The following POU2F1 variants were observed in gnomAD, a reference collection of about 807,000 sequenced individuals.
POU2F1 encodes POU domain, class 2, transcription factor 1.
A neutral mutation model predicts 84.9 loss-of-function variants in POU2F1; 16 were observed. That is an observed-to-expected ratio of 0.19 (90% confidence interval 0.13 to 0.29). The LOEUF (loss-of-function observed/expected upper bound fraction) is 0.29, where lower values mean the gene tolerates loss of function less well. Ranked by LOEUF, POU2F1 falls within the 10% of genes least tolerant of loss-of-function variation. The pLI, the probability that POU2F1 is intolerant of heterozygous loss-of-function variation, is 1.00. For missense variants in POU2F1, 738 were observed against 942.6 expected (o/e 0.78, Z 2.84); for synonymous variants, 368 against 368.3 (o/e 1.00, Z 0.01).
intron 13 of POU2F1, among the ~76,000 whole-genome samples, chr1:167,408,814 A>C (rs1420547201): frequency 1.3e-5 from 2 of 152,108 alleles, no homozygotes; most frequent in African/African-American, 4.8e-5. Flanking sequence ...AAGCTGGATG[A>C]ATTTTCATGT....
At chr1:167,396,170 T>TACTG in intron 9 of POU2F1, 116 bp from the exon 10 acceptor site, 1 of 1,213,382 alleles carries the variant, frequency 8.2e-7, no homozygotes, top group Non-Finnish European at 1.2e-6. Flanking sequence ...GTGGAATAAT[T>TACTG]ACTGACTCCT....
intron 1 of POU2F1, among the ~76,000 whole-genome samples, chr1:167,292,965 A>G (rs1654028502): frequency 6.6e-6 from 1 of 152,214 alleles, no homozygotes; most frequent in Admixed American, 6.5e-5. Context: ...TTCCTTTATG[A>G]TAAAAACCCT....
At chr1:167,374,919 T>C (rs1216113043) in intron 6 of POU2F1, among the ~76,000 whole-genome samples, 2 of 151,930 alleles carry the variant, frequency 1.3e-5, no homozygotes. Context: ...TACAAAAAAT[T>C]AGCCAGGTGT....
At chr1:167,241,979 G>A (rs568939249) in intron 1 of POU2F1, among the ~76,000 whole-genome samples, 1 of 152,172 alleles carries the variant, frequency 6.6e-6, no homozygotes, top group Non-Finnish European at 1.5e-5. Flanking sequence ...AGTTCTCAGA[G>A]CCTAAGTTTT....
intron 1 of POU2F1, among the ~76,000 whole-genome samples, chr1:167,225,864 T>G (rs563576081): frequency 6.6e-6 from 1 of 152,360 alleles, no homozygotes; most frequent in East Asian, 1.9e-4. Context: ...ATAGTTGTAA[T>G]CTTTGCATAT....
intron 7 of POU2F1, chr1:167,380,058 A>G (rs750729392): frequency 1.3e-5 from 2 of 152,118 alleles, no homozygotes; most frequent in Non-Finnish European, 2.9e-5. Flanking sequence ...CTTCCCCTTC[A>G]CTTACATGGG....
chr1:167,260,125 G>A (rs1303258141), intron 1 of POU2F1, among the ~76,000 whole-genome samples: 1 of 152,134 alleles, frequency 6.6e-6, no homozygotes, highest in African/African-American at 2.4e-5. Flanking sequence ...TGATCCGCCC[G>A]CCTCAGCTTC....
chr1:167,401,870 A>G (rs911818972), intron 13 of POU2F1, among the ~76,000 whole-genome samples: 1 of 152,156 alleles, frequency 6.6e-6, no homozygotes, highest in African/African-American at 2.4e-5. Context: ...AAACATCCCT[A>G]CAATGGAAAT....
chr1:167,300,190 C>T (rs1557877841), intron 1 of POU2F1, among the ~76,000 whole-genome samples: 1 of 152,178 alleles, frequency 6.6e-6, no homozygotes, highest in East Asian at 1.9e-4. Flanking sequence ...CATTTTCTCA[C>T]TTGTAAGTGG....
At chr1:167,309,406 C>T (rs1162801108) in intron 1 of POU2F1, among the ~76,000 whole-genome samples, 1 of 151,888 alleles carries the variant, frequency 6.6e-6, no homozygotes, top group East Asian at 1.9e-4. Flanking sequence ...AGTTCCTTTC[C>T]CCAACAGTGG....
chr1:167,407,228 C>T (rs1044424260), intron 13 of POU2F1, among the ~76,000 whole-genome samples: 1 of 151,946 alleles, frequency 6.6e-6, no homozygotes, highest in African/African-American at 2.4e-5. Context: ...CGAGGTTTTG[C>T]CATATTGCCC....
At chr1:167,302,610 A>G (rs375078124) in intron 1 of POU2F1, among the ~76,000 whole-genome samples, 164 of 152,260 alleles carry the variant, frequency 1.1e-3, no homozygotes, top group African/African-American at 3.5e-3. Context: ...TGTTTGTACC[A>G]TTGCATCTCA....
intron 2 of POU2F1, among the ~76,000 whole-genome samples, chr1:167,358,466 G>T (rs961653438): frequency 6.6e-6 from 1 of 151,866 alleles, no homozygotes; most frequent in African/African-American, 2.4e-5. Flanking sequence ...TGGAGGATTA[G>T]AATTATTTGT....
At chr1:167,321,586 A>G (rs937315165) in intron 1 of POU2F1, among the ~76,000 whole-genome samples, 1 of 152,084 alleles carries the variant, frequency 6.6e-6, no homozygotes, top group African/African-American at 2.4e-5. Flanking sequence ...CCTTTTTCTA[A>G]TTGTTCAGTT....
At chr1:167,331,922 G>C (rs1167873151) in intron 1 of POU2F1, among the ~76,000 whole-genome samples, 1 of 152,014 alleles carries the variant, frequency 6.6e-6, no homozygotes, top group Non-Finnish European at 1.5e-5. Flanking sequence ...ACTTTGACTT[G>C]TTTAGTTTGG....
chr1:167,224,467 T>A (rs1431426315), intron 1 of POU2F1, among the ~76,000 whole-genome samples: 1 of 152,290 alleles, frequency 6.6e-6, no homozygotes, highest in East Asian at 1.9e-4. Flanking sequence ...TTAAAAAAAA[T>A]TCAGAATTCT....
chr1:167,238,188 CATTT>C (rs760752027), intron 1 of POU2F1, among the ~76,000 whole-genome samples: 6 of 151,796 alleles, frequency 4.0e-5, no homozygotes, highest in Admixed American at 6.6e-5. Context: ...AAATTTTATC[CATTT>C]ATTTATTTGT....
chr1:167,329,228 C>A, intron 1 of POU2F1: 1 of 1,542,964 alleles, frequency 6.5e-7, no homozygotes, highest in Non-Finnish European at 8.8e-7. Context: ...CAAACTGCTA[C>A]CTGTTTCTTC....
rs533057597 is a variant in POU2F1, at chr1:167,376,311, T to G, written c.718+156T>G. ...AAACTTTCGTTTAAAAAAAGTTTTG[T>G]TTTGTTTTTTGTCATAAATACCACA... On this transcript the variant is annotated intron_variant, in intron 7 of 15. Coordinates refer to ENST00000367866, the MANE Select transcript of POU2F1 (RefSeq NM_002697.4). 9.2e-5 allele frequency among the ~76,000 whole-genome samples: 14 copies of G among 152,366 alleles called. No individual in the cohort carries two copies. In the South Asian group the frequency reaches 2.9e-3, roughly 32 times the overall value.
Sources: allele counts gnomAD v4.1 joint callset (sites outside exome capture counted in the v4.1 genomes callset), GRCh38; gene constraint gnomAD v4.1.1; transcripts MANE v1.5; gene names NCBI Gene and HGNC (gene_info 2026-07-23, HGNC 2026-07-21).